Variants in LRIG2 observed in about 807,000 individuals in gnomAD.
LRIG2 encodes the protein leucine-rich repeats and immunoglobulin-like domains protein 2.
LRIG2 carries 93 observed loss-of-function variants against 107.8 expected under a neutral mutation model. That is an observed-to-expected ratio of 0.86 (90% confidence interval 0.73 to 1.03). The LOEUF is 1.03. Among genes scored for constraint, LRIG2 ranks in the 50% least tolerant of loss-of-function variants. The probability of loss-of-function intolerance (pLI) is 0.00; values close to 1 mark genes in which losing one functional copy is unlikely to be tolerated. For missense variants in LRIG2, 1,226 were observed against 1,296.0 expected, an observed-to-expected ratio of 0.95 and a Z score of 0.83; for synonymous variants, 471 against 470.6, an observed-to-expected ratio of 1.00 and a Z score of -0.01.
chr1:113,125,256 AAC>A lies in LRIG2; in HGVS notation c.*1159_*1160del, dbSNP rs1346384015. The A allele has an allele frequency of 3.3e-5, 5 of 152,338 alleles. No individual in the cohort carries two copies. The highest frequency in any genetic ancestry group is 2.6e-4 in the Admixed American group (4 of 15,298). 9.4% of individuals were successfully genotyped at this position (152,338 alleles called of 1,614,324 possible). A position where few individuals can be genotyped will look rare whatever the true frequency, so the allele number is the denominator to read the frequency against. On this transcript the variant is annotated 3_prime_UTR_variant, in exon 18 of 18. Coordinates refer to ENST00000361127, the MANE Select transcript of LRIG2 (RefSeq NM_014813.3). ...GCTACTTAGTGATTGTATACACATAAACACAGTCTTGGTGTAATTAACCGCCT... is the reference window on the plus strand; with the variant it reads ...GCTACTTAGTGATTGTATACACATAAACAGTCTTGGTGTAATTAACCGCCT...
intron 11 of LRIG2, among the ~76,000 whole-genome samples, chr1:113,104,522 CTTT>C (rs796145930): frequency 6.9e-6 from 1 of 145,398 alleles, no homozygotes; most frequent in Non-Finnish European, 1.5e-5. Flanking sequence ...AAATAAAAGT[CTTT>C]TTTTTTTTTT....
Position 113,129,373 on chromosome 1 carries a change from A to C in LRIG2, c.*5272A>C, listed in dbSNP as rs1161435182. 1 of 149,230 alleles carries C rather than the reference A, an allele frequency of 6.7e-6. No homozygotes were observed. Among genetic ancestry groups the C allele is most frequent in the Non-Finnish European group, 1.5e-5 (1 of 67,756 alleles). 9.2% of individuals were successfully genotyped at this position (149,230 alleles called of 1,614,324 possible). Reference sequence around the variant, plus strand: ...TCTCTGCTCTAGCAGTGGTCCTTCTACTGACAGTGCTGTCAGAGTCTGGTC... The same window carrying C: ...TCTCTGCTCTAGCAGTGGTCCTTCTCCTGACAGTGCTGTCAGAGTCTGGTC... On this transcript the variant is annotated 3_prime_UTR_variant, in exon 18 of 18. Coordinates refer to ENST00000361127, the MANE Select transcript of LRIG2 (RefSeq NM_014813.3).
intron 1 of LRIG2, among the ~76,000 whole-genome samples, chr1:113,078,617 T>A (rs1402597792): frequency 6.6e-6 from 1 of 151,304 alleles, no homozygotes; most frequent in Non-Finnish European, 1.5e-5. Flanking sequence ...AAGGGGCAGA[T>A]CATTTGCAGT....
chr1:113,099,935 C>T (rs1379493394), intron 9 of LRIG2, among the ~76,000 whole-genome samples: 4 of 152,132 alleles, frequency 2.6e-5, no homozygotes, highest in Admixed American at 6.5e-5. Flanking sequence ...GATGGTTGTT[C>T]ACCTCATTGA....
chr1:113,083,932 A>G lies in LRIG2; in HGVS notation c.240-7386A>G, dbSNP rs753265380. 1.4e-4 allele frequency among the ~76,000 whole-genome samples: 21 copies of G among 150,228 alleles called. 1 individual carries two copies. Among genetic ancestry groups the G allele is most frequent in the Non-Finnish European group, 2.1e-4 (14 of 67,662 alleles). Reference sequence around the variant, plus strand: ...ATGAGTTAATGGATGCAGCACACCAATGTGGCACATCTATACATATGTAAC... The same window carrying G: ...ATGAGTTAATGGATGCAGCACACCAGTGTGGCACATCTATACATATGTAAC... On this transcript the variant is annotated intron_variant, in intron 1 of 17. Transcript: ENST00000361127.
At chr1:113,104,246 T>C (rs1428810371) in intron 11 of LRIG2, among the ~76,000 whole-genome samples, 11 of 152,184 alleles carry the variant, frequency 7.2e-5, no homozygotes, top group Non-Finnish European at 1.0e-4. Flanking sequence ...CTTCAAATTC[T>C]TACATCCTCC....
At chr1:113,078,583 C>A (rs942504564) in intron 1 of LRIG2, among the ~76,000 whole-genome samples, 1 of 151,840 alleles carries the variant, frequency 6.6e-6, no homozygotes, top group Admixed American at 6.6e-5. Flanking sequence ...CATAGCTTTA[C>A]CTGTATTTCA....
At chr1:113,122,151 C>T (rs1358620490) in intron 17 of LRIG2, among the ~76,000 whole-genome samples, 1 of 138,924 alleles carries the variant, frequency 7.2e-6, no homozygotes, top group Non-Finnish European at 1.5e-5. Context: ...GGCACGATCT[C>T]GGCTCACTGC....
chr1:113,085,274 CTTGTTTTTTTGT>C (rs1653495043), intron 1 of LRIG2, among the ~76,000 whole-genome samples: 1 of 134,718 alleles, frequency 7.4e-6, no homozygotes. Flanking sequence ...TAACTAAATT[CTTGTTTTTTTGT>C]TTGTTTGTTT....
In LRIG2 at chr1:113,092,217, G is replaced by A. The variant is rs561305837; in HGVS notation, c.305+834G>A. On this transcript the variant is annotated intron_variant, in intron 2 of 17. Transcript: ENST00000361127. ...TTATTGCATGGACTTTGTAACTTTG[G>A]TTGGTTTCCTGAAGGTCTTTACTTC... Among the ~76,000 whole-genome samples, 13 of 152,292 alleles carry A rather than the reference G, an allele frequency of 8.5e-5. No homozygotes were observed. In the South Asian group the frequency reaches 2.7e-3, roughly 32 times the overall value.
rs1655696572 is a variant in LRIG2, at chr1:113,131,362, T to C, written c.*7261T>C. 1 of 152,240 alleles carries C rather than the reference T, an allele frequency of 6.6e-6. No individual in the cohort carries two copies. Among genetic ancestry groups the C allele is most frequent in the Admixed American group, 6.5e-5 (1 of 15,282 alleles). The allele number at this position is 152,240 out of a possible 1,614,324, so 9.4% of individuals were successfully genotyped here. On this transcript the variant is annotated 3_prime_UTR_variant, in exon 18 of 18. Transcript: ENST00000361127. Reference sequence around the variant, plus strand: ...GTGTCATGGCCTTTTTTAATCATTTTAATATCCCCAGAAATGCTAGAAGTG... The same window carrying C: ...GTGTCATGGCCTTTTTTAATCATTTCAATATCCCCAGAAATGCTAGAAGTG...
At chr1:113,081,294 G>C (rs1040571756) in intron 1 of LRIG2, among the ~76,000 whole-genome samples, 1 of 152,108 alleles carries the variant, frequency 6.6e-6, no homozygotes, top group African/African-American at 2.4e-5. Flanking sequence ...CCATTAGATA[G>C]TTACTAAATA....
At position 113,114,665 on chromosome 1, in the gene LRIG2, G is replaced by C. The variant is rs766788096; in HGVS notation, c.2319G>C (p.Gly773=). The part of the protein sequence containing the change: ...KYTCIMSNTL[G]TERGHIYLNV... The stretch of plus-strand genomic sequence containing the variant: ...CCTGCATTATGTCTAACACCCTTGG[G>C]ACAGAACGTGGCCACATTTACCTAA... The change falls in exon 15 of 18, where the codon GGG becomes GGC. Residue 773 remains glycine, a synonymous_variant. Coordinates refer to ENST00000361127, the MANE Select transcript of LRIG2 (RefSeq NM_014813.3). 5 of 1,614,068 alleles carry C rather than the reference G, an allele frequency of 3.1e-6. No homozygotes were observed. The Admixed American group carries it at 8.3e-5, about 27-fold the overall frequency.
At position 113,100,301 on chromosome 1, in the gene LRIG2, T is replaced by C; in HGVS notation, c.1244+19T>C. On this transcript the variant is annotated intron_variant, in intron 10 of 17. Coordinates refer to ENST00000361127, the MANE Select transcript of LRIG2 (RefSeq NM_014813.3). ...AGCATCTGTAAGTATTTTGCATACATTTTGCTTACTCTATAAATAATCTTT... is the reference window on the plus strand; with the variant it reads ...AGCATCTGTAAGTATTTTGCATACACTTTGCTTACTCTATAAATAATCTTT... 1.9e-6 allele frequency: 3 copies of C among 1,567,826 alleles called. No homozygotes were observed. Among genetic ancestry groups the C allele is most frequent in the Non-Finnish European group, 2.6e-6 (3 of 1,144,468 alleles).
At chr1:113,095,103 G>T (rs1653998691) in intron 6 of LRIG2, among the ~76,000 whole-genome samples, 1 of 151,676 alleles carries the variant, frequency 6.6e-6, no homozygotes, top group South Asian at 2.1e-4. Context: ...CTTCTGAGTA[G>T]CTGGGATTAC....
rs1285794580 is a variant in LRIG2, at chr1:113,100,229, G to A, written c.1191G>A (p.Gln397=). 2.5e-6 allele frequency: 4 copies of A among 1,585,090 alleles called. No homozygotes were observed. The highest frequency in any genetic ancestry group is 4.5e-5 in the East Asian group (2 of 44,300). ...ATTTCAGAATCTTACAAGGAAACCA[G>A]ATTAAGTCAATTACAAAGAAAGCAT... ...SLTKLILQGN[Q]IKSITKKAFI... Residue 397 remains glutamine, a synonymous_variant, in exon 10 of 18, where the codon CAG becomes CAA. Coordinates refer to ENST00000361127, the MANE Select transcript of LRIG2 (RefSeq NM_014813.3).
At chr1:113,099,236 G>T (rs1383207918) in intron 9 of LRIG2, among the ~76,000 whole-genome samples, 4 of 16,200 alleles carry the variant, frequency 2.5e-4, no homozygotes, top group African/African-American at 4.7e-4. Flanking sequence ...AACTTGGCTG[G>T]TTTTTTTCTT....
At chr1:113,111,959 TGA>T (rs984407850) in intron 13 of LRIG2, among the ~76,000 whole-genome samples, 1 of 152,100 alleles carries the variant, frequency 6.6e-6, no homozygotes, top group African/African-American at 2.4e-5. Flanking sequence ...GCTTCATAAG[TGA>T]GAGAGTCATA....
intron 11 of LRIG2, among the ~76,000 whole-genome samples, chr1:113,102,388 C>A (rs1247739526): frequency 6.6e-6 from 1 of 151,938 alleles, no homozygotes; most frequent in African/African-American, 2.4e-5. Flanking sequence ...CCTGCCTCAG[C>A]CCCCTGAGTA....
Sources: gnomAD v4.1 joint callset for allele counts (sites outside exome capture counted in the v4.1 genomes callset) on GRCh38, gnomAD v4.1.1 for gene constraint, MANE v1.5 for transcripts, NCBI Gene and HGNC (gene_info 2026-07-23, HGNC 2026-07-21) for gene names.